The following NF2 variants were observed in gnomAD, a reference collection of about 807,000 sequenced individuals.
The protein encoded by NF2 is merlin.
In NF2, 8 loss-of-function variants were observed where a neutral mutation model predicts 83.7. The ratio of observed to expected loss-of-function variants is 0.10; its 90% CI spans 0.06 to 0.17. The LOEUF (loss-of-function observed/expected upper bound fraction) is 0.17. NF2 is among the 10% of genes least tolerant of loss of function. The pLI is 1.00. For synonymous variants in NF2, 266 were observed against 269.6 expected, an observed-to-expected ratio of 0.99 and a Z score of 0.13; for missense variants, 533 against 744.4, an observed-to-expected ratio of 0.72 and a Z score of 3.31.
At chr22:29,639,680 C>T (rs968892521) in intron 3 of NF2, among the ~76,000 whole-genome samples, 6 of 151,240 alleles carry the variant, frequency 4.0e-5, no homozygotes, top group African/African-American at 9.7e-5. Context: ...GTCAGGAGAT[C>T]GAGACCATCT....
chr22:29,627,497 T>C (rs1172498124), intron 1 of NF2, among the ~76,000 whole-genome samples: 1 of 152,162 alleles, frequency 6.6e-6, no homozygotes, highest in African/African-American at 2.4e-5. Flanking sequence ...GTTTACAGCA[T>C]AGTAAAATAT....
intron 15 of NF2, among the ~76,000 whole-genome samples, chr22:29,684,855 G>A (rs1344013012): frequency 6.6e-6 from 1 of 152,074 alleles, no homozygotes; most frequent in Non-Finnish European, 1.5e-5. Flanking sequence ...CTTTGGCAGT[G>A]CCTGTGGTCA....
chr22:29,673,521 G>C, intron 12 of NF2, 35 bp downstream of exon 12: 1 of 1,583,074 alleles, frequency 6.3e-7, no homozygotes, highest in Middle Eastern at 2.2e-4. Context: ...TGGCGAGGAG[G>C]CTGGCGAAGG....
At chr22:29,606,600 G>C (rs987290158) in intron 1 of NF2, among the ~76,000 whole-genome samples, 2 of 152,098 alleles carry the variant, frequency 1.3e-5, no homozygotes, top group African/African-American at 2.4e-5. Context: ...TCATGCCTAA[G>C]GGCAATCTGG....
At chr22:29,664,944 A>G (rs578150818) in intron 8 of NF2, 46 bp from the exon 9 acceptor site, 5 of 1,405,284 alleles carry the variant, frequency 3.6e-6, no homozygotes, top group South Asian at 3.5e-5. Flanking sequence ...TGCTGGTAAC[A>G]TTCCAGGCTG....
chr22:29,651,578 C>G (rs1047321316), intron 4 of NF2, among the ~76,000 whole-genome samples: 1 of 152,188 alleles, frequency 6.6e-6, no homozygotes, highest in Non-Finnish European at 1.5e-5. Context: ...TTTGTATTCA[C>G]CAGCTACCAC....
intron 8 of NF2, among the ~76,000 whole-genome samples, chr22:29,662,304 T>C (rs1237738416): frequency 1.3e-5 from 2 of 152,102 alleles, no homozygotes; most frequent in Admixed American, 6.5e-5. Flanking sequence ...GGCTAATTTT[T>C]TGTAGAGATG....
chr22:29,682,984 GT>G (rs2067182378), intron 15 of NF2: 1 of 1,613,608 alleles, frequency 6.2e-7, no homozygotes, highest in East Asian at 2.2e-5. Flanking sequence ...CACAGGGTAT[GT>G]TTTTGTTTTT....
intron 1 of NF2, among the ~76,000 whole-genome samples, chr22:29,625,860 G>A (rs930017464): frequency 6.6e-6 from 1 of 152,170 alleles, no homozygotes; most frequent in East Asian, 1.9e-4. Flanking sequence ...AATTTGGACC[G>A]AGCTTTGAAA....
In NF2 at chr22:29,698,009, C is replaced by T. The variant is rs1467442293; in HGVS notation, c.*3207C>T. 1.8e-5 allele frequency: 4 copies of T among 227,638 alleles called. No individual in the cohort carries two copies. Among genetic ancestry groups the T allele is most frequent in the African/African-American group, 6.7e-5 (3 of 44,966 alleles). 14.1% of individuals were successfully genotyped at this position (227,638 alleles called of 1,614,324 possible). ...CTCTCAGGCAGAAGCCCCACAGCAC[C>T]GGGACCATTCATGAGGTCACTGCCC... is the stretch of plus-strand genomic sequence containing the variant. On this transcript the variant is annotated 3_prime_UTR_variant, in exon 16 of 16. Transcript: ENST00000338641.
chr22:29,612,084 T>G (rs2064967159), intron 1 of NF2, among the ~76,000 whole-genome samples: 1 of 152,196 alleles, frequency 6.6e-6, no homozygotes, highest in African/African-American at 2.4e-5. Flanking sequence ...CTCGGCTCAC[T>G]GCAACCTCTG....
In NF2 at chr22:29,673,444, C is replaced by T. The variant is rs779721863; in HGVS notation, c.1298C>T (p.Ala433Val). The change falls in exon 12 of 16, where the codon GCC becomes GTC. Residue 433 changes from alanine (A) to valine (V), a missense_variant. Physicochemically the swap from Ala to Val is moderately conservative, Grantham distance 64 (BLOSUM62 0). Around this residue, in one of 3 missense-constraint regions of NF2, gnomAD observed 199 missense variants for 240.7 expected, o/e 0.83. Coordinates refer to ENST00000338641, the MANE Select transcript of NF2 (RefSeq NM_000268.4). ...KRLMEQKVLE[A>V]EVLALKMAEE... ...CTGATGGAGCAGAAGGTGCTGGAAGCCGAGGTGCTGGCACTGAAGATGGCT... is the reference window on the plus strand; with the variant it reads ...CTGATGGAGCAGAAGGTGCTGGAAGTCGAGGTGCTGGCACTGAAGATGGCT... 1.1e-5 allele frequency: 18 copies of T among 1,611,960 alleles called. No homozygotes were observed. The South Asian group carries it at 2.0e-4, about 18-fold the overall frequency.
At chr22:29,625,121 G>T (rs192931697) in intron 1 of NF2, among the ~76,000 whole-genome samples, 1 of 152,034 alleles carries the variant, frequency 6.6e-6, no homozygotes, top group East Asian at 1.9e-4. Flanking sequence ...GAGAGACGGG[G>T]TTTCACCATG....
chr22:29,665,687 G>C (rs887025957), intron 9 of NF2, among the ~76,000 whole-genome samples: 1 of 151,824 alleles, frequency 6.6e-6, no homozygotes, highest in Non-Finnish European at 1.5e-5. Context: ...AGTCCTGGCC[G>C]GGTGCGGTGG....
Position 29,619,386 on chromosome 22 carries a change from TTTTGTTTG to T in NF2, c.114+15294_114+15301del, listed in dbSNP as rs199935839. On this transcript the variant is annotated intron_variant, in intron 1 of 15. Transcript: ENST00000338641. ...ACCGCTGTGCTCTCCCATGGGTTTT[TTTTGTTTG>T]TTTGTTTGTTTGTTTGTTTTGAGAT... Among the ~76,000 whole-genome samples, 8 of 148,604 alleles carry T rather than the reference TTTTGTTTG, an allele frequency of 5.4e-5. 1 individual carries two copies. Among genetic ancestry groups the T allele is most frequent in the East Asian group, 4.1e-4 (2 of 4,880 alleles).
chr22:29,693,044 T>C (rs1157266625), intron 15 of NF2, among the ~76,000 whole-genome samples: 1 of 152,244 alleles, frequency 6.6e-6, no homozygotes, highest in Non-Finnish European at 1.5e-5. Flanking sequence ...TTCAGAAACC[T>C]GAGCGGAGAT....
At chr22:29,660,273 A>G (rs1430826489) in intron 7 of NF2, among the ~76,000 whole-genome samples, 1 of 152,232 alleles carries the variant, frequency 6.6e-6, no homozygotes, top group Non-Finnish European at 1.5e-5. Flanking sequence ...GGGGCAGAGC[A>G]TAAGTACGGC....
intron 1 of NF2, among the ~76,000 whole-genome samples, chr22:29,624,801 CTTT>C (rs2065302194): frequency 1.9e-4 from 2 of 10,594 alleles, no homozygotes; most frequent in African/African-American, 2.6e-4. Context: ...GAAGGGTCCT[CTTT>C]CTTTCTTTCT....
chr22:29,663,509 G>T (rs1158667969), intron 8 of NF2, among the ~76,000 whole-genome samples: 2 of 152,220 alleles, frequency 1.3e-5, no homozygotes, highest in Non-Finnish European at 2.9e-5. Context: ...ATGATCCATT[G>T]ATTCTTTGTG....
Sources: gnomAD v4.1 joint callset for allele counts (sites outside exome capture counted in the v4.1 genomes callset) on GRCh38, gnomAD v4.1.1 for gene constraint, gnomAD v4.1.1 regional missense constraint, MANE v1.5 for transcripts, NCBI Gene and HGNC (gene_info 2026-07-23, HGNC 2026-07-21) for gene names.